Variants in SLC16A9 observed in about 807,000 individuals in gnomAD.
SLC16A9 encodes the protein monocarboxylate transporter 9.
A neutral mutation model predicts 44.3 loss-of-function variants in SLC16A9; 26 were observed. The observed-to-expected ratio is 0.59, with a 90% confidence interval of 0.43 to 0.81. The LOEUF (loss-of-function observed/expected upper bound fraction) is 0.81, where lower values mean the gene tolerates loss of function less well. Ranked by LOEUF, SLC16A9 falls within the 40% of genes least tolerant of loss-of-function variation. SLC16A9 has a pLI of 0.00. For missense variants in SLC16A9, 559 were observed against 595.8 expected (o/e 0.94, Z 0.64); for synonymous variants, 230 against 225.1 (o/e 1.02, Z -0.19).
At chr10:59,659,618 A>C (rs1333360250) in intron 4 of SLC16A9, among the ~76,000 whole-genome samples, 1 of 152,172 alleles carries the variant, frequency 6.6e-6, no homozygotes, top group Non-Finnish European at 1.5e-5. Flanking sequence ...AAGGATATTC[A>C]GGACTTGAAC....
At position 59,681,521 on chromosome 10, in the gene SLC16A9, A is replaced by G. The variant is rs1345643522; in HGVS notation, c.196+2575T>C. The stretch of plus-strand genomic sequence containing the variant: ...ATGTATATGTATATGATGTATATGT[A>G]TATGTGTATGTGTATGTGTATGTAT... On this transcript the variant is annotated intron_variant, in intron 2 of 5. Coordinates refer to ENST00000395348, the MANE Select transcript of SLC16A9 (RefSeq NM_194298.3). 4.8e-4 allele frequency among the ~76,000 whole-genome samples: 51 copies of G among 107,174 alleles called. 16 individuals carry two copies. The highest frequency in any genetic ancestry group is 2.0e-3 in the African/African-American group (51 of 25,274). The allele number at this position is 107,174 out of a possible 152,430, so 70.3% of individuals were successfully genotyped here.
intron 1 of SLC16A9, 63 bp from the exon 2 acceptor site, chr10:59,684,390 G>T: frequency 2.1e-5 from 17 of 809,960 alleles, no homozygotes; most frequent in Admixed American, 6.7e-5. Flanking sequence ...AGCGCTTGGG[G>T]TAAAAATATC....
chr10:59,702,881 G>T (rs1329865356), intron 1 of SLC16A9, among the ~76,000 whole-genome samples: 1 of 152,166 alleles, frequency 6.6e-6, no homozygotes, highest in Non-Finnish European at 1.5e-5. Context: ...TTAAGGAAGA[G>T]GGACAGAATA....
intron 4 of SLC16A9, among the ~76,000 whole-genome samples, chr10:59,655,283 C>T (rs773589890): frequency 2.6e-5 from 4 of 152,000 alleles, no homozygotes; most frequent in Non-Finnish European, 4.4e-5. Context: ...AGTGAGACTC[C>T]GTCTCAAACA....
rs1314341943 is a variant in SLC16A9 at position 59,651,246 on chromosome 10, G to A, written c.*1526C>T. 2 of 152,110 alleles carry A rather than the reference G, an allele frequency of 1.3e-5. No homozygotes were observed. Among genetic ancestry groups the A allele is most frequent in the Non-Finnish European group, 2.9e-5 (2 of 68,010 alleles). 9.4% of individuals were successfully genotyped at this position (152,110 alleles called of 1,614,324 possible). A position where few individuals can be genotyped will look rare whatever the true frequency, so the allele number is the denominator to read the frequency against. On this transcript the variant is annotated 3_prime_UTR_variant, in exon 6 of 6. Transcript: ENST00000395348. ...TTTATAAAGTGCTTCAGGCGCCTTC[G>A]AAGAAAGGCAACATACAAGTATAAA...
rs775855401 is a variant in SLC16A9 at position 59,684,210 on chromosome 10, C to T, written c.82G>A (p.Gly28Arg). The change falls in exon 2 of 6, where the codon GGA (glycine) becomes AGA (arginine). Residue 28 changes from glycine to arginine, a missense_variant. Gly to Arg is a moderately radical substitution (Grantham distance 125). Coordinates refer to ENST00000395348, the MANE Select transcript of SLC16A9 (RefSeq NM_194298.3). ...VSFLTQFLCYGSPLAVGVLYI... is the reference protein window; with the variant it reads ...VSFLTQFLCYRSPLAVGVLYI... The stretch of plus-strand genomic sequence containing the variant: ...AGGACTCCAACAGCTAGTGGGGATC[C>T]GTAACACAAAAACTGAGTAAGGAAG... The T allele has an allele frequency of 7.4e-6, 12 of 1,613,982 alleles. No individual in the cohort carries two copies. The highest frequency in any genetic ancestry group is 6.7e-5 in the East Asian group (3 of 44,858).
intron 3 of SLC16A9, among the ~76,000 whole-genome samples, chr10:59,666,490 T>A (rs1019191014): frequency 6.6e-6 from 1 of 152,146 alleles, no homozygotes; most frequent in Admixed American, 6.5e-5. Context: ...TTTTTCACTA[T>A]GTTCACATTT....
At chr10:59,656,774 G>T (rs1839358159) in intron 4 of SLC16A9, among the ~76,000 whole-genome samples, 1 of 152,118 alleles carries the variant, frequency 6.6e-6, no homozygotes, top group South Asian at 2.1e-4. Flanking sequence ...TAGGAATTAA[G>T]CCCTGCGTGC....
intron 1 of SLC16A9, among the ~76,000 whole-genome samples, chr10:59,703,875 T>C (rs924727495): frequency 2.0e-5 from 3 of 152,152 alleles, no homozygotes; most frequent in East Asian, 1.9e-4. Flanking sequence ...CCCGCCACCA[T>C]GCCTGGCTAA....
chr10:59,689,518 G>C (rs1840207938), intron 1 of SLC16A9, among the ~76,000 whole-genome samples: 1 of 152,164 alleles, frequency 6.6e-6, no homozygotes, highest in South Asian at 2.1e-4. Flanking sequence ...CCTGAATCTT[G>C]AGTGAAATGC....
At chr10:59,669,742 C>T (rs917964363) in intron 3 of SLC16A9, among the ~76,000 whole-genome samples, 1 of 151,758 alleles carries the variant, frequency 6.6e-6, no homozygotes, top group Non-Finnish European at 1.5e-5. Context: ...GAGGCTGAGG[C>T]AGGAGAATCG....
chr10:59,672,869 C>T lies in SLC16A9; in HGVS notation c.241G>A (p.Val81Ile), dbSNP rs1839783428. The change falls in exon 3 of 6, where the codon GTC becomes ATC. Residue 81 changes from valine (V) to isoleucine (I), a missense_variant. Coordinates refer to ENST00000395348, the MANE Select transcript of SLC16A9 (RefSeq NM_194298.3). ...LCVSSFGARP[V>I]TIFSGFMVAG... The stretch of plus-strand genomic sequence containing the variant: ...ACCATGAAGCCACTGAAGATTGTGA[C>T]AGGTCTTGCTCCAAAAGATGAGACA... The T allele has an allele frequency of 6.2e-7, 1 of 1,613,750 alleles. No individual in the cohort carries two copies. Among genetic ancestry groups the T allele is most frequent in the East Asian group, 2.2e-5 (1 of 44,854 alleles).
At chr10:59,688,615 C>T (rs1381205327) in intron 1 of SLC16A9, among the ~76,000 whole-genome samples, 1 of 151,914 alleles carries the variant, frequency 6.6e-6, no homozygotes. Flanking sequence ...CAATTCTGAT[C>T]TTTCTAATGA....
intron 2 of SLC16A9, 65 bp from the exon 3 acceptor site, chr10:59,672,978 T>G: frequency 1.3e-6 from 2 of 1,488,862 alleles, no homozygotes; most frequent in Non-Finnish European, 9.1e-7. Flanking sequence ...TTCAAAATGA[T>G]TCTTTCCACC....
rs1840271469 is a variant in SLC16A9, at chr10:59,692,357, T to C, written c.-36-8030A>G. On this transcript the variant is annotated intron_variant, in intron 1 of 5. Transcript: ENST00000395348. The stretch of plus-strand genomic sequence containing the variant: ...GGACTGAAACCCTCACATGCTGCTG[T>C]GGCAGATGAAAAGGCTGAAGCCACT... Among the ~76,000 whole-genome samples the C allele has an allele frequency of 2.0e-5, 3 of 152,290 alleles. No homozygotes were observed. In the South Asian group the frequency reaches 6.2e-4, roughly 32 times the overall value.
chr10:59,698,088 C>T (rs920056266), intron 1 of SLC16A9, among the ~76,000 whole-genome samples: 8 of 152,134 alleles, frequency 5.3e-5, no homozygotes, highest in Admixed American at 2.0e-4. Flanking sequence ...CTGGTAATTT[C>T]ATAGCCATTG....
intron 1 of SLC16A9, among the ~76,000 whole-genome samples, chr10:59,695,028 T>TAAAAA (rs1840341955): frequency 6.6e-6 from 1 of 151,754 alleles, no homozygotes; most frequent in African/African-American, 2.4e-5. Context: ...TTAAAAACCT[T>TAAAAA]AAGCTAAGTG....
At position 59,651,575 on chromosome 10, in the gene SLC16A9, G is replaced by T. The variant is rs867577822; in HGVS notation, c.*1197C>A. On this transcript the variant is annotated 3_prime_UTR_variant, in exon 6 of 6. Transcript: ENST00000395348. ...ACCCAGGTACCTATATTTTCAAAAA[G>T]ATCTATAGGGAATTCTGATGCATAC... 1 of 152,000 alleles carries T rather than the reference G, an allele frequency of 6.6e-6. No individual in the cohort carries two copies. The highest frequency in any genetic ancestry group is 1.5e-5 in the Non-Finnish European group (1 of 68,000). 9.4% of individuals were successfully genotyped at this position (152,000 alleles called of 1,614,324 possible).
intron 2 of SLC16A9, among the ~76,000 whole-genome samples, chr10:59,675,816 C>A (rs1839846600): frequency 6.6e-6 from 1 of 152,142 alleles, no homozygotes; most frequent in African/African-American, 2.4e-5. Context: ...AAGGAAAAAC[C>A]CCAGAACCAT....
Sources: allele counts gnomAD v4.1 joint callset (sites outside exome capture counted in the v4.1 genomes callset), GRCh38; gene constraint gnomAD v4.1.1; transcripts MANE v1.5; gene names NCBI Gene and HGNC (gene_info 2026-07-23, HGNC 2026-07-21).